Variants in PCLO observed in about 807,000 individuals in gnomAD.
The protein encoded by PCLO is protein piccolo.
Under a neutral mutation model 427.5 loss-of-function variants are expected in PCLO, and 82 were observed. The observed-to-expected ratio is 0.19, with a 90% CI of 0.16 to 0.23. The LOEUF (loss-of-function observed/expected upper bound fraction) is 0.23, where lower values mean the gene tolerates loss of function less well. Among genes scored for constraint, PCLO ranks in the 10% least tolerant of loss-of-function variants. The pLI, the probability that PCLO is intolerant of heterozygous loss-of-function variation, is 1.00. For synonymous variants in PCLO, 2,357 were observed against 2,155.4 expected (o/e 1.09, Z -2.59); for missense variants, 6,239 against 6,115.9 (o/e 1.02, Z -0.67).
intron 10 of PCLO, among the ~76,000 whole-genome samples, chr7:82,849,258 G>C (rs534162927): frequency 6.6e-6 from 1 of 152,132 alleles, no homozygotes; most frequent in African/African-American, 2.4e-5. Flanking sequence ...TGCTTCTAAA[G>C]AACTAGTATG....
chr7:82,808,904 C>A (rs1050961066), intron 20 of PCLO, among the ~76,000 whole-genome samples: 1 of 151,846 alleles, frequency 6.6e-6, no homozygotes, highest in African/African-American at 2.4e-5. Flanking sequence ...CACAACAGAT[C>A]TTTTCTTCTT....
intron 6 of PCLO, among the ~76,000 whole-genome samples, chr7:82,946,044 T>C (rs1282091183): frequency 6.6e-6 from 1 of 152,240 alleles, no homozygotes; most frequent in Non-Finnish European, 1.5e-5. Flanking sequence ...GTCTTATCTG[T>C]AAGGGCTTGC....
Position 82,916,123 on chromosome 7 carries a change from G to T in PCLO, c.11863C>A (p.Gln3955Lys), listed in dbSNP as rs776153166. Residue 3955 changes from glutamine to lysine, a missense_variant, in exon 7 of 25, where the codon CAG (glutamine) becomes AAG (lysine). Gln to Lys is a moderately conservative substitution (Grantham distance 53). Transcript: ENST00000333891. Reference sequence around the variant, plus strand: ...GGCTTCTGTTGTATCACCATCATCTGTGAAGGTAACTGATAAGAAGGCTGT... The same window carrying T: ...GGCTTCTGTTGTATCACCATCATCTTTGAAGGTAACTGATAAGAAGGCTGT... ...TPQPSYQLPSQMMVIQQKPRQ... is the reference protein window; with the variant it reads ...TPQPSYQLPSKMMVIQQKPRQ... The T allele has an allele frequency of 4.3e-6, 7 of 1,613,486 alleles. No homozygotes were observed. The highest frequency in any genetic ancestry group is 4.2e-6 in the Non-Finnish European group (5 of 1,179,712).
chr7:82,925,366 G>A (rs1794688915), intron 6 of PCLO, among the ~76,000 whole-genome samples: 1 of 152,056 alleles, frequency 6.6e-6, no homozygotes, highest in Non-Finnish European at 1.5e-5. Flanking sequence ...TGATGAAGCT[G>A]TAAGGCAGGC....
At chr7:82,893,635 C>T (rs1422216158) in intron 9 of PCLO, among the ~76,000 whole-genome samples, 1 of 151,464 alleles carries the variant, frequency 6.6e-6, no homozygotes, top group Non-Finnish European at 1.5e-5. Flanking sequence ...GGACACAGTC[C>T]GTGAGTTTAT....
At chr7:82,886,459 A>G (rs866295285) in intron 9 of PCLO, among the ~76,000 whole-genome samples, 3 of 151,826 alleles carry the variant, frequency 2.0e-5, no homozygotes, top group Non-Finnish European at 2.9e-5. Flanking sequence ...ATGCCTGATT[A>G]TGTAATAATT....
intron 3 of PCLO, among the ~76,000 whole-genome samples, chr7:83,113,169 TATC>T (rs755191216): frequency 6.6e-6 from 1 of 152,182 alleles, no homozygotes; most frequent in Non-Finnish European, 1.5e-5. Context: ...AAGGTCCTCT[TATC>T]ATCATATCAT....
Position 82,951,023 on chromosome 7 carries a change from C to T in PCLO, c.9565G>A (p.Glu3189Lys), listed in dbSNP as rs549114733. ...DSVPTLTTAS[E>K]VFPEVVGDES... The stretch of plus-strand genomic sequence containing the variant: ...TCTCCCACCACTTCAGGAAACACTT[C>T]GGATGCTGTGGTTAAAGTGGGAACA... Residue 3189 changes from glutamate (E) to lysine (K), a missense_variant, in exon 6 of 25, where the codon GAA becomes AAA. Glu to Lys is a moderately conservative substitution (Grantham distance 56). Around this residue, in one of 5 missense-constraint regions of PCLO, gnomAD observed 4,677 missense variants for 4,468.4 expected, o/e 1.05. Transcript: ENST00000333891. 37 of 1,613,842 alleles carry T rather than the reference C, an allele frequency of 2.3e-5. No individual in the cohort carries two copies. Among genetic ancestry groups the T allele is most frequent in the African/African-American group, 2.0e-4 (15 of 75,054 alleles).
At chr7:82,934,470 A>G (rs1401818513) in intron 6 of PCLO, among the ~76,000 whole-genome samples, 1 of 151,886 alleles carries the variant, frequency 6.6e-6, no homozygotes, top group African/African-American at 2.4e-5. Context: ...GGTAATATAT[A>G]TCTTTAGTCT....
intron 3 of PCLO, among the ~76,000 whole-genome samples, chr7:83,030,943 G>C (rs1788651150): frequency 6.6e-6 from 1 of 152,088 alleles, no homozygotes; most frequent in Admixed American, 6.6e-5. Context: ...AGGATATTTT[G>C]ATAAATATCA....
intron 9 of PCLO, among the ~76,000 whole-genome samples, chr7:82,886,704 T>C (rs907293656): frequency 1.3e-5 from 2 of 152,124 alleles, no homozygotes; most frequent in Non-Finnish European, 2.9e-5. Flanking sequence ...CATTGAAGAG[T>C]TATTTAGTAC....
rs1190425956 is a variant in PCLO at position 82,915,407 on chromosome 7, T to C, written c.12579A>G (p.Lys4193=). ...ILYQKQSKHK[K]SLIDPKMSKF... is the part of the protein sequence containing the mutation. Reference sequence around the variant, plus strand: ...TTGACATTTTAGGGTCAATTAGTGATTTCTTATGCTTTGACTGCTTTTGAT... The same window carrying C: ...TTGACATTTTAGGGTCAATTAGTGACTTCTTATGCTTTGACTGCTTTTGAT... The change falls in exon 7 of 25, where the codon AAA becomes AAG. Residue 4193 remains lysine, a synonymous_variant. Transcript: ENST00000333891. 6.2e-7 allele frequency: 1 copy of C among 1,613,634 alleles called. No individual in the cohort carries two copies. Among genetic ancestry groups the C allele is most frequent in the East Asian group, 2.2e-5 (1 of 44,804 alleles).
chr7:82,782,325 T>C (rs1323276239), intron 22 of PCLO, among the ~76,000 whole-genome samples: 13 of 152,184 alleles, frequency 8.5e-5, no homozygotes, highest in Admixed American at 8.5e-4. Flanking sequence ...AAAACATGAT[T>C]TGAGGAGAGG....
At chr7:82,936,536 A>G (rs201860250) in intron 6 of PCLO, among the ~76,000 whole-genome samples, 1 of 151,220 alleles carries the variant, frequency 6.6e-6, no homozygotes, top group Non-Finnish European at 1.5e-5. Flanking sequence ...AGTATTGGAA[A>G]GATGTAGGGA....
At chr7:83,049,320 C>T (rs1789178268) in intron 3 of PCLO, among the ~76,000 whole-genome samples, 1 of 152,078 alleles carries the variant, frequency 6.6e-6, no homozygotes, top group Non-Finnish European at 1.5e-5. Flanking sequence ...GTGTTGTACC[C>T]TATTAACACT....
chr7:82,794,459 C>CTTTTTTGTTTTT (rs1791179632), intron 22 of PCLO, among the ~76,000 whole-genome samples: 1 of 56,350 alleles, frequency 1.8e-5, no homozygotes, highest in Non-Finnish European at 4.1e-5. Flanking sequence ...AATTTTTTTT[C>CTTTTTTGTTTTT]TTTTTTTTTT....
intron 22 of PCLO, among the ~76,000 whole-genome samples, chr7:82,770,939 A>G (rs1420586367): frequency 6.6e-6 from 1 of 152,006 alleles, no homozygotes; most frequent in African/African-American, 2.4e-5. Flanking sequence ...ATTCCCAGAA[A>G]TATGTTTTCT....
chr7:82,975,069 G>A (rs1386819466), intron 3 of PCLO, among the ~76,000 whole-genome samples: 4 of 152,088 alleles, frequency 2.6e-5, no homozygotes, highest in Non-Finnish European at 5.9e-5. Flanking sequence ...GAGCCACCGT[G>A]CCCAGCAGGT....
chr7:83,028,545 C>T (rs1255232321), intron 3 of PCLO, among the ~76,000 whole-genome samples: 9 of 119,140 alleles, frequency 7.6e-5, no homozygotes, highest in South Asian at 6.4e-4. Flanking sequence ...AGGTAATTTA[C>T]AGATTCAATG....
Sources: allele counts gnomAD v4.1 joint callset (sites outside exome capture counted in the v4.1 genomes callset), GRCh38; gene constraint gnomAD v4.1.1; regional missense constraint gnomAD v4.1.1; transcripts MANE v1.5; gene names NCBI Gene and HGNC (gene_info 2026-07-23, HGNC 2026-07-21).